The following ALG6 variants were observed in gnomAD, a reference collection of about 807,000 sequenced individuals.
ALG6 encodes the protein dolichyl pyrophosphate Man9GlcNAc2 alpha-1,3-glucosyltransferase.
ALG6 carries 46 observed loss-of-function variants against 66.6 expected under a neutral mutation model. That is an observed-to-expected ratio of 0.69 (90% CI 0.55 to 0.88). The LOEUF is 0.88. ALG6 is among the 40% of genes least tolerant of loss of function. ALG6 has a pLI of 0.00. For synonymous variants in ALG6, 185 were observed against 203.7 expected, an observed-to-expected ratio of 0.91 and a Z score of 0.78; for missense variants, 505 against 586.8, an observed-to-expected ratio of 0.86 and a Z score of 1.44.
chr1:63,404,435 A>C lies in ALG6; in HGVS notation c.258-18A>C. ...GGGATGAGGAATGAAGTATCTGTATATATGCTTTGATTTGCAGGGCAAAGT... is the reference window on the plus strand; with the variant it reads ...GGGATGAGGAATGAAGTATCTGTATCTATGCTTTGATTTGCAGGGCAAAGT... On this transcript the variant is annotated intron_variant, in intron 4 of 14. Transcript: ENST00000263440. 6.3e-7 allele frequency: 1 copy of C among 1,582,242 alleles called. No individual in the cohort carries two copies. The highest frequency in any genetic ancestry group is 8.7e-7 in the Non-Finnish European group (1 of 1,151,002).
chr1:63,426,885 T>C (rs548082987), intron 12 of ALG6, among the ~76,000 whole-genome samples: 2 of 152,246 alleles, frequency 1.3e-5, no homozygotes, highest in African/African-American at 2.4e-5. Context: ...TAAATAAATA[T>C]TGAATGCATA....
At chr1:63,368,929 T>C (rs1647819756) in intron 1 of ALG6, among the ~76,000 whole-genome samples, 1 of 152,148 alleles carries the variant, frequency 6.6e-6, no homozygotes, top group Non-Finnish European at 1.5e-5. Flanking sequence ...AGAAGGAAGA[T>C]TCACAGCATT....
intron 2 of ALG6, among the ~76,000 whole-genome samples, chr1:63,380,543 C>T (rs892556970): frequency 4.6e-5 from 7 of 151,968 alleles, no homozygotes; most frequent in African/African-American, 1.7e-4. Context: ...ATCTTTTTTC[C>T]AGTTTTCCTT....
chr1:63,375,949 TC>T (rs36126014), intron 2 of ALG6, among the ~76,000 whole-genome samples: 1 of 152,202 alleles, frequency 6.6e-6, no homozygotes, highest in Non-Finnish European at 1.5e-5. Context: ...TGATTATAGT[TC>T]CTTTTTTATT....
intron 2 of ALG6, among the ~76,000 whole-genome samples, chr1:63,380,062 C>T (rs982308366): frequency 6.6e-6 from 1 of 151,930 alleles, no homozygotes; most frequent in African/African-American, 2.4e-5. Context: ...CACTAATCAT[C>T]TCCAGAGAGA....
intron 3 of ALG6, among the ~76,000 whole-genome samples, chr1:63,399,214 G>T (rs1644431167): frequency 1.3e-5 from 2 of 152,226 alleles, no homozygotes; most frequent in South Asian, 4.1e-4. Flanking sequence ...ACATGGCCAT[G>T]CACTAAAATA....
In ALG6 at chr1:63,414,100, CT is replaced by C; in HGVS notation, c.857del (p.Leu286ArgfsTer13). The C allele has an allele frequency of 6.2e-7, 1 of 1,613,086 alleles. No individual in the cohort carries two copies. Among genetic ancestry groups the C allele is most frequent in the African/African-American group, 1.3e-5 (1 of 74,988 alleles). The stretch of plus-strand genomic sequence containing the variant: ...TATTTGGTGCAGCTTCAATGTCTTT[CT>C]GAAGATTAAGGATATTTTGCCACGT... ...ANIWCSFNVF[L>X]KIKDILPRHI... On this transcript the variant is annotated frameshift_variant, in exon 10 of 15. Coordinates refer to ENST00000263440, the MANE Select transcript of ALG6 (RefSeq NM_013339.4). LOFTEE classifies it high-confidence loss of function.
chr1:63,381,980 G>T (rs1353302203), intron 2 of ALG6, among the ~76,000 whole-genome samples: 1 of 152,006 alleles, frequency 6.6e-6, no homozygotes, highest in Non-Finnish European at 1.5e-5. Flanking sequence ...GCCTCAAGTG[G>T]TCCTCCCACC....
Position 63,412,080 on chromosome 1 carries a change from C to T in ALG6, c.816+19C>T, listed in dbSNP as rs1250830790. On this transcript the variant is annotated intron_variant, in intron 9 of 14. Coordinates refer to ENST00000263440, the MANE Select transcript of ALG6 (RefSeq NM_013339.4). The stretch of plus-strand genomic sequence containing the variant: ...ATTTGAGGCATGTTTAAACACTTTC[C>T]TCTCCTTTCTGTTACTGTACCTTAC... 2 of 1,613,894 alleles carry T rather than the reference C, an allele frequency of 1.2e-6. No homozygotes were observed. Among genetic ancestry groups the T allele is most frequent in the Middle Eastern group, 1.7e-4 (1 of 6,058 alleles).
Position 63,411,173 on chromosome 1 carries a change from T to C in ALG6, c.522T>C (p.Ala174=), listed in dbSNP as rs1644513889. Residue 174 remains alanine (A), a synonymous_variant, in exon 8 of 15, where the codon GCT becomes GCC. Transcript: ENST00000263440. ...FQYNSVSLGF[A]LWGVLGISCD... Reference sequence around the variant, plus strand: ...ATAATTCTGTGAGTCTTGGCTTTGCTTTGTGGGGTGTTCTTGGAATATCTT... The same window carrying C: ...ATAATTCTGTGAGTCTTGGCTTTGCCTTGTGGGGTGTTCTTGGAATATCTT... 1 of 1,613,794 alleles carries C rather than the reference T, an allele frequency of 6.2e-7. No homozygotes were observed. Among genetic ancestry groups the C allele is most frequent in the African/African-American group, 1.3e-5 (1 of 74,916 alleles).
At chr1:63,391,786 G>A (rs748265033) in intron 2 of ALG6, among the ~76,000 whole-genome samples, 14 of 152,078 alleles carry the variant, frequency 9.2e-5, no homozygotes, top group African/African-American at 2.2e-4. Context: ...TATCCCTTAC[G>A]CTTTTAGAGA....
chr1:63,391,543 GA>G (rs1648673209), intron 2 of ALG6, among the ~76,000 whole-genome samples: 1 of 152,168 alleles, frequency 6.6e-6, no homozygotes, highest in Non-Finnish European at 1.5e-5. Context: ...TGCTTCAGGG[GA>G]TGGTCAGTTC....
intron 14 of ALG6, 150 bp downstream of exon 14, chr1:63,429,276 G>T (rs1327943236): frequency 1.6e-6 from 1 of 635,854 alleles, no homozygotes; most frequent in Non-Finnish European, 2.7e-6. Flanking sequence ...TTTTAAGTAT[G>T]TAAACAGATT....
intron 7 of ALG6, among the ~76,000 whole-genome samples, chr1:63,410,737 T>TAA (rs1166341252): frequency 2.0e-5 from 3 of 152,180 alleles, no homozygotes; most frequent in East Asian, 1.9e-4. Context: ...TTAATATATA[T>TAA]AATAGAGGAA....
At chr1:63,401,672 G>A (rs1039663096) in intron 3 of ALG6, among the ~76,000 whole-genome samples, 2 of 151,708 alleles carry the variant, frequency 1.3e-5, no homozygotes, top group African/African-American at 4.8e-5. Flanking sequence ...GCAAGATTCC[G>A]TCTCAAAAAG....
intron 9 of ALG6, 26 bp downstream of exon 9, chr1:63,412,087 T>G (rs1644519347): frequency 1.2e-6 from 2 of 1,613,800 alleles, no homozygotes; most frequent in Non-Finnish European, 1.7e-6. Context: ...TTCCTCTCCT[T>G]TCTGTTACTG....
intron 2 of ALG6, among the ~76,000 whole-genome samples, chr1:63,392,224 G>A (rs548814248): frequency 6.6e-6 from 1 of 151,584 alleles, no homozygotes; most frequent in Non-Finnish European, 1.5e-5. Context: ...AGGCTGGAGT[G>A]CAATGGCATG....
intron 10 of ALG6, among the ~76,000 whole-genome samples, chr1:63,414,539 T>G (rs1344074130): frequency 2.0e-5 from 3 of 152,198 alleles, no homozygotes; most frequent in Non-Finnish European, 2.9e-5. Flanking sequence ...CATGAGCCAC[T>G]GCACCCAGCC....
intron 2 of ALG6, 50 bp from the exon 3 acceptor site, chr1:63,396,463 T>C: frequency 6.8e-7 from 1 of 1,459,936 alleles, no homozygotes; most frequent in Non-Finnish European, 9.6e-7. Context: ...TAAAAATCAC[T>C]GATATGCTAA....
Sources: allele counts gnomAD v4.1 joint callset (sites outside exome capture counted in the v4.1 genomes callset), GRCh38; gene constraint gnomAD v4.1.1; transcripts MANE v1.5; gene names NCBI Gene and HGNC (gene_info 2026-07-23, HGNC 2026-07-21).